Variants in SUCLG2 observed in about 807,000 individuals in gnomAD.
SUCLG2 encodes succinate-CoA ligase GDP-forming subunit beta, also known as succinate--CoA ligase [GDP-forming] subunit beta, mitochondrial.
A neutral mutation model predicts 47.9 loss-of-function variants in SUCLG2; 42 were observed. The ratio of observed to expected loss-of-function variants is 0.88; its 90% CI spans 0.69 to 1.14. The LOEUF (loss-of-function observed/expected upper bound fraction) is 1.14. SUCLG2 is among the 50% of genes most tolerant of loss of function. The pLI, the probability that SUCLG2 is intolerant of heterozygous loss-of-function variation, is 0.00. For missense variants in SUCLG2, 571 were observed against 525.9 expected, an observed-to-expected ratio of 1.09 and a Z score of -0.84; for synonymous variants, 195 against 197.3, an observed-to-expected ratio of 0.99 and a Z score of 0.10.
intron 10 of SUCLG2, among the ~76,000 whole-genome samples, chr3:67,395,678 A>T (rs1702507178): frequency 6.6e-6 from 1 of 152,336 alleles, no homozygotes; most frequent in African/African-American, 2.4e-5. Flanking sequence ...GACCTAATAG[A>T]CATCTACAGA....
At chr3:67,422,243 G>A (rs887221068) in intron 9 of SUCLG2, among the ~76,000 whole-genome samples, 26 of 151,890 alleles carry the variant, frequency 1.7e-4, no homozygotes, top group African/African-American at 6.0e-4. Context: ...GGAGGCTGAG[G>A]CAGGCGGATC....
At chr3:67,539,589 C>T (rs545211018) in intron 2 of SUCLG2, among the ~76,000 whole-genome samples, 6 of 152,210 alleles carry the variant, frequency 3.9e-5, no homozygotes, top group Admixed American at 2.0e-4. Flanking sequence ...GAGTTAGGGA[C>T]GAGTCCCTCC....
chr3:67,583,199 C>A (rs1707927684), intron 2 of SUCLG2, among the ~76,000 whole-genome samples: 1 of 152,004 alleles, frequency 6.6e-6, no homozygotes, highest in African/African-American at 2.4e-5. Flanking sequence ...CTGGCCATGC[C>A]ACTTCCAGCA....
chr3:67,651,785 A>T (rs1701289699), intron 1 of SUCLG2, among the ~76,000 whole-genome samples: 1 of 152,208 alleles, frequency 6.6e-6, no homozygotes, highest in South Asian at 2.1e-4. Flanking sequence ...AAATTATGCC[A>T]ATCAAAAACA....
intron 9 of SUCLG2, among the ~76,000 whole-genome samples, chr3:67,448,880 C>A (rs969005007): frequency 5.3e-5 from 8 of 151,686 alleles, no homozygotes; most frequent in East Asian, 1.9e-4. Flanking sequence ...GACTGCTTAT[C>A]ATTATTACTG....
intron 10 of SUCLG2, among the ~76,000 whole-genome samples, chr3:67,368,713 C>T (rs1406104799): frequency 6.6e-6 from 1 of 152,128 alleles, no homozygotes; most frequent in Non-Finnish European, 1.5e-5. Flanking sequence ...TCAAGTGATT[C>T]TCCTACCTCA....
downstream of SUCLG2, among the ~76,000 whole-genome samples, chr3:67,373,838 T>C (rs182397314): frequency 2.1e-3 from 324 of 152,276 alleles, 2 homozygotes; most frequent in African/African-American, 7.5e-3. Flanking sequence ...ATTATCCACC[T>C]GTAAAAATGG....
At chr3:67,534,541 A>G (rs1013604596) in intron 2 of SUCLG2, among the ~76,000 whole-genome samples, 9 of 151,940 alleles carry the variant, frequency 5.9e-5, no homozygotes, top group African/African-American at 2.2e-4. Flanking sequence ...CTGCTTTCAT[A>G]ACCGTTAATA....
intron 10 of SUCLG2, among the ~76,000 whole-genome samples, chr3:67,387,311 G>T (rs1702280498): frequency 6.6e-6 from 1 of 152,158 alleles, no homozygotes; most frequent in East Asian, 1.9e-4. Flanking sequence ...TGATTAAAAT[G>T]TTGATGTCAG....
intron 2 of SUCLG2, among the ~76,000 whole-genome samples, chr3:67,534,916 A>T (rs1449215114): frequency 6.6e-6 from 1 of 152,074 alleles, no homozygotes; most frequent in Non-Finnish European, 1.5e-5. Flanking sequence ...TGAAGAAATG[A>T]CAGTTTTTCA....
intron 4 of SUCLG2, among the ~76,000 whole-genome samples, chr3:67,523,797 T>C (rs1340964257): frequency 1.3e-5 from 2 of 152,236 alleles, no homozygotes; most frequent in Non-Finnish European, 2.9e-5. Context: ...CATTTTCTAA[T>C]GCAGAGTTAG....
intron 9 of SUCLG2, among the ~76,000 whole-genome samples, chr3:67,425,181 T>C (rs762923593): frequency 6.6e-5 from 10 of 152,216 alleles, no homozygotes; most frequent in Non-Finnish European, 1.3e-4. Flanking sequence ...GGCAAAGAGT[T>C]TCCTATTTTT....
chr3:67,543,319 C>T (rs1352322795), intron 2 of SUCLG2, among the ~76,000 whole-genome samples: 3 of 152,134 alleles, frequency 2.0e-5, no homozygotes, highest in Non-Finnish European at 4.4e-5. Context: ...AAAAAATACA[C>T]CTGTAAACAG....
At chr3:67,410,849 G>T (rs1702918415) in intron 9 of SUCLG2, among the ~76,000 whole-genome samples, 1 of 152,086 alleles carries the variant, frequency 6.6e-6, no homozygotes, top group Admixed American at 6.6e-5. Context: ...ACAGATAATT[G>T]CTTTCAAAGC....
rs151049732 is a variant in SUCLG2, at chr3:67,577,506, G to T, written c.226+31949C>A. On this transcript the variant is annotated intron_variant, in intron 2 of 10. Coordinates refer to ENST00000307227, the MANE Select transcript of SUCLG2 (RefSeq NM_003848.4). ...GACATACATGGAAATGACACAGGAGGAGAGCTGATGTAAACATTAAATTTT... is the reference window on the plus strand; with the variant it reads ...GACATACATGGAAATGACACAGGAGTAGAGCTGATGTAAACATTAAATTTT... Among the ~76,000 whole-genome samples, 1,200 of 152,236 alleles carry T rather than the reference G, an allele frequency of 7.9e-3. 10 individuals carry two copies. The highest frequency in any genetic ancestry group is 0.014 in the African/African-American group (579 of 41,528).
chr3:67,612,820 T>G (rs1285830474), intron 1 of SUCLG2, among the ~76,000 whole-genome samples: 1 of 152,242 alleles, frequency 6.6e-6, no homozygotes, highest in East Asian at 1.9e-4. Flanking sequence ...TTATTTTACC[T>G]GTGCTTCTGA....
intron 4 of SUCLG2, among the ~76,000 whole-genome samples, chr3:67,521,155 T>C (rs1489397146): frequency 6.6e-6 from 1 of 152,232 alleles, no homozygotes; most frequent in African/African-American, 2.4e-5. Context: ...ATAAAAAGAA[T>C]ATTTGCTTGT....
chr3:67,570,561 T>C (rs1707579313), intron 2 of SUCLG2, among the ~76,000 whole-genome samples: 1 of 152,196 alleles, frequency 6.6e-6, no homozygotes, highest in East Asian at 1.9e-4. Context: ...AGATCAATCA[T>C]GTGTTTTACA....
At chr3:67,603,538 CATTTT>C (rs1708466849) in intron 2 of SUCLG2, among the ~76,000 whole-genome samples, 1 of 152,160 alleles carries the variant, frequency 6.6e-6, no homozygotes, top group South Asian at 2.1e-4. Context: ...TCCTTATCTC[CATTTT>C]AGGATGCATG....
Sources: allele counts gnomAD v4.1 joint callset (sites outside exome capture counted in the v4.1 genomes callset), GRCh38; gene constraint gnomAD v4.1.1; transcripts MANE v1.5; gene names NCBI Gene and HGNC (gene_info 2026-07-23, HGNC 2026-07-21).